CNTN4: variants seen among roughly 807,000 people sequenced by gnomAD.
CNTN4 encodes the protein contactin-4.
In CNTN4, 77 loss-of-function variants were observed where a neutral mutation model predicts 122.5. That is an observed-to-expected ratio of 0.63 (90% confidence interval 0.52 to 0.76). CNTN4 has a LOEUF of 0.76. Ranked by LOEUF, CNTN4 falls within the 30% of genes least tolerant of loss-of-function variation. CNTN4 has a pLI of 0.00. For synonymous variants in CNTN4, 512 were observed against 447.0 expected (o/e 1.15, Z -1.83); for missense variants, 1,256 against 1,259.1 (o/e 1.00, Z 0.04).
intron 2 of CNTN4, among the ~76,000 whole-genome samples, chr3:2,313,486 G>T (rs1461774962): frequency 6.6e-6 from 1 of 151,892 alleles, no homozygotes; most frequent in Non-Finnish European, 1.5e-5. Flanking sequence ...CAATTTTATG[G>T]TAAAAAAATT....
chr3:2,207,324 T>G (rs571351127), intron 2 of CNTN4, among the ~76,000 whole-genome samples: 1 of 152,134 alleles, frequency 6.6e-6, no homozygotes, highest in East Asian at 1.9e-4. Context: ...AAGCTAGAAA[T>G]GATTAAGCTT....
At chr3:2,102,394 A>G (rs556169439) in intron 2 of CNTN4, among the ~76,000 whole-genome samples, 52 of 152,346 alleles carry the variant, frequency 3.4e-4, no homozygotes, top group African/African-American at 1.3e-3. Flanking sequence ...CGGCATCACG[A>G]TAGGGATTAA....
chr3:2,294,680 T>A (rs1294590303), intron 2 of CNTN4, among the ~76,000 whole-genome samples: 1 of 151,498 alleles, frequency 6.6e-6, no homozygotes, highest in African/African-American at 2.5e-5. Flanking sequence ...TCTTTCTTTT[T>A]TTAATTATTA....
At chr3:2,543,322 T>C (rs528696261) in intron 3 of CNTN4, among the ~76,000 whole-genome samples, 12 of 152,202 alleles carry the variant, frequency 7.9e-5, no homozygotes, top group Admixed American at 2.6e-4. Context: ...GAAGCAATCC[T>C]TAAAAACAAA....
chr3:2,623,769 T>TA (rs2082078050), intron 4 of CNTN4, among the ~76,000 whole-genome samples: 1 of 152,046 alleles, frequency 6.6e-6, no homozygotes. Flanking sequence ...AATGAAACAG[T>TA]AAGGAGAACA....
chr3:2,366,523 C>G (rs1219350945), intron 3 of CNTN4, among the ~76,000 whole-genome samples: 3 of 151,926 alleles, frequency 2.0e-5, no homozygotes, highest in African/African-American at 4.8e-5. Flanking sequence ...GTCAGGAGAT[C>G]GAGACCATCC....
rs962921874 is a variant in CNTN4 at position 2,519,289 on chromosome 3, C to A, written c.-88-52127C>A. On this transcript the variant is annotated intron_variant, in intron 3 of 24. Coordinates refer to ENST00000418658, the MANE Select transcript of CNTN4 (RefSeq NM_175607.3). ...CAAGTGACCTTGCCATAAGTTATTTCTTGTGTGTCTAAGGATGACACCCTA... is the reference window on the plus strand; with the variant it reads ...CAAGTGACCTTGCCATAAGTTATTTATTGTGTGTCTAAGGATGACACCCTA... 2.6e-5 allele frequency among the ~76,000 whole-genome samples: 4 copies of A among 152,132 alleles called. No homozygotes were observed. In the South Asian group the frequency reaches 8.3e-4, roughly 32 times the overall value.
At chr3:2,917,026 G>T (rs1559661728) in intron 12 of CNTN4, among the ~76,000 whole-genome samples, 1 of 125,360 alleles carries the variant, frequency 8.0e-6, no homozygotes, top group Non-Finnish European at 1.7e-5. Context: ...AGCACTGAGT[G>T]AACCAGACTC....
intron 2 of CNTN4, among the ~76,000 whole-genome samples, chr3:2,329,346 T>C (rs868335994): frequency 6.6e-6 from 1 of 152,128 alleles, no homozygotes; most frequent in Non-Finnish European, 1.5e-5. Context: ...AAGTGCCAAA[T>C]TGTGAGCCTC....
At chr3:2,364,881 CT>C (rs2045311198) in intron 3 of CNTN4, among the ~76,000 whole-genome samples, 1 of 152,072 alleles carries the variant, frequency 6.6e-6, no homozygotes, top group Non-Finnish European at 1.5e-5. Context: ...ACTTTTTGTT[CT>C]CTCTGAAATA....
At chr3:2,216,150 G>A (rs2038831376) in intron 2 of CNTN4, among the ~76,000 whole-genome samples, 1 of 152,222 alleles carries the variant, frequency 6.6e-6, no homozygotes, top group Non-Finnish European at 1.5e-5. Flanking sequence ...GCCCATCAAT[G>A]ATAGATTGGA....
chr3:3,043,622 G>A lies in CNTN4; in HGVS notation c.2729G>A (p.Trp910Ter), dbSNP rs1426568021. The change falls in exon 23 of 25, where the codon TGG (tryptophan) becomes TAG (stop). Residue 910 changes from tryptophan (W) to a stop codon, truncating the protein, a stop_gained. Coordinates refer to ENST00000418658, the MANE Select transcript of CNTN4 (RefSeq NM_175607.3). LOFTEE classifies it high-confidence loss of function. Reference protein sequence around the residue: ...PPSQPPGNIIWNSSDSKIILN... With the variant: ...PPSQPPGNII ...AGTCAACCCCCCGGAAACATCATAT[G>A]GAATTCATCAGACTCCAAAATTATC... is the stretch of plus-strand genomic sequence containing the variant. 6.2e-7 allele frequency: 1 copy of A among 1,613,892 alleles called. No individual in the cohort carries two copies. Among genetic ancestry groups the A allele is most frequent in the Non-Finnish European group, 8.5e-7 (1 of 1,179,886 alleles).
chr3:2,565,660 A>G (rs1057394097), intron 3 of CNTN4, among the ~76,000 whole-genome samples: 1 of 152,222 alleles, frequency 6.6e-6, no homozygotes, highest in African/African-American at 2.4e-5. Context: ...TACCAATTGA[A>G]TCATGGACAT....
At position 3,039,016 on chromosome 3, in the gene CNTN4, C is replaced by T. The variant is rs2125746484; in HGVS notation, c.2163+13C>T. ...TATAACCTGGGAGGTAAATGAATCA[C>T]AGAATAAAAGGAACGTACACGCATC... On this transcript the variant is annotated intron_variant, in intron 19 of 24. Coordinates refer to ENST00000418658, the MANE Select transcript of CNTN4 (RefSeq NM_175607.3). 1 of 1,607,388 alleles carries T rather than the reference C, an allele frequency of 6.2e-7. No individual in the cohort carries two copies. Among genetic ancestry groups the T allele is most frequent in the Non-Finnish European group, 8.5e-7 (1 of 1,173,850 alleles).
intron 2 of CNTN4, among the ~76,000 whole-genome samples, chr3:2,148,098 T>C (rs2035330891): frequency 6.6e-6 from 1 of 152,102 alleles, no homozygotes; most frequent in African/African-American, 2.4e-5. Context: ...GGCTCCCATA[T>C]GGTTGATTGG....
intron 11 of CNTN4, among the ~76,000 whole-genome samples, chr3:2,901,585 A>C (rs775153332): frequency 4.6e-5 from 7 of 152,158 alleles, no homozygotes; most frequent in Non-Finnish European, 7.3e-5. Flanking sequence ...ATAGGTACCT[A>C]GGTACTGGTA....
rs75699435 is a variant in CNTN4, at chr3:2,597,696, C to G, written c.55+26138C>G. 3.3e-5 allele frequency among the ~76,000 whole-genome samples: 5 copies of G among 152,204 alleles called. No individual in the cohort carries two copies. In the East Asian group the frequency reaches 9.7e-4, roughly 29 times the overall value. On this transcript the variant is annotated intron_variant, in intron 4 of 24. Transcript: ENST00000418658. ...GGAGTACAGACTTCAACTGAACCAT[C>G]CCCCAGTATAGAGATGCGCACACGT...
chr3:2,155,153 C>G (rs2035663020), intron 2 of CNTN4, among the ~76,000 whole-genome samples: 1 of 152,230 alleles, frequency 6.6e-6, no homozygotes, highest in Non-Finnish European at 1.5e-5. Context: ...TACACATAAT[C>G]TTCTCATTAT....
At chr3:2,858,690 G>A (rs1005696093) in intron 7 of CNTN4, among the ~76,000 whole-genome samples, 4 of 150,476 alleles carry the variant, frequency 2.7e-5, no homozygotes, top group Admixed American at 1.3e-4. Flanking sequence ...CTGAGTGACA[G>A]AGTGAGACCC....
Sources: allele counts gnomAD v4.1 joint callset (sites outside exome capture counted in the v4.1 genomes callset), GRCh38; gene constraint gnomAD v4.1.1; transcripts MANE v1.5; gene names NCBI Gene and HGNC (gene_info 2026-07-23, HGNC 2026-07-21).